Variants in UBP1 observed in about 807,000 individuals in gnomAD.
UBP1 encodes upstream binding protein 1.
In UBP1, 22 loss-of-function variants were observed where a neutral mutation model predicts 76.1. That is an observed-to-expected ratio of 0.29 (90% CI 0.21 to 0.41). The LOEUF (loss-of-function observed/expected upper bound fraction) is 0.41. Ranked by LOEUF, UBP1 falls within the 10% of genes least tolerant of loss-of-function variation. UBP1 has a pLI of 1.00. For synonymous variants in UBP1, 224 were observed against 237.1 expected (o/e 0.94, Z 0.51); for missense variants, 436 against 668.1 (o/e 0.65, Z 3.83).
At chr3:33,432,114 G>A (rs1202352683) in intron 1 of UBP1, among the ~76,000 whole-genome samples, 4 of 152,098 alleles carry the variant, frequency 2.6e-5, no homozygotes, top group African/African-American at 9.7e-5. Context: ...GACTGCTTGA[G>A]CCCAGAGACC....
chr3:33,393,397 G>C lies in UBP1; in HGVS notation c.1448C>G (p.Ala483Gly), dbSNP rs751356159. 10 of 1,612,734 alleles carry C rather than the reference G, an allele frequency of 6.2e-6. No individual in the cohort carries two copies. The highest frequency in any genetic ancestry group is 1.3e-5 in the African/African-American group (1 of 74,692). The change falls in exon 14 of 16, where the codon GCG (alanine) becomes GGG (glycine). Residue 483 changes from alanine to glycine, a missense_variant. This residue lies in a region of UBP1 where 210 missense variants were observed against 272.8 expected (regional missense o/e 0.77). Coordinates refer to ENST00000283629, the MANE Select transcript of UBP1 (RefSeq NM_014517.5). Reference sequence around the variant, plus strand: ...GTGGAGAGGGATATTAAACACCAGCGCAAGTTTTCGAGCAACTTCTGAGGC... The same window carrying C: ...GTGGAGAGGGATATTAAACACCAGCCCAAGTTTTCGAGCAACTTCTGAGGC... ...MIASEVARKL[A>G]LVFNIPLHQI...
intron 2 of UBP1, among the ~76,000 whole-genome samples, chr3:33,418,750 T>C (rs1467020940): frequency 6.6e-6 from 1 of 151,010 alleles, no homozygotes; most frequent in Non-Finnish European, 1.5e-5. Context: ...TCCCAGCTAC[T>C]TGGGAAGCTG....
chr3:33,438,667 C>G (rs2045238900), intron 1 of UBP1, among the ~76,000 whole-genome samples: 1 of 152,174 alleles, frequency 6.6e-6, no homozygotes, highest in Non-Finnish European at 1.5e-5. Flanking sequence ...CTTCCACACT[C>G]CAAGAAATGT....
chr3:33,423,362 T>C (rs1277288445), intron 2 of UBP1, among the ~76,000 whole-genome samples: 2 of 152,162 alleles, frequency 1.3e-5, no homozygotes, highest in Non-Finnish European at 2.9e-5. Context: ...ATTACTAAAA[T>C]GTATGTTGTT....
At chr3:33,439,022 G>A (rs1175214482) in intron 1 of UBP1, among the ~76,000 whole-genome samples, 2 of 152,142 alleles carry the variant, frequency 1.3e-5, no homozygotes, top group Non-Finnish European at 2.9e-5. Flanking sequence ...AGTTAAAAAG[G>A]ATAAAGGGCG....
intron 1 of UBP1, among the ~76,000 whole-genome samples, chr3:33,432,147 C>T (rs1443161382): frequency 6.6e-6 from 1 of 151,976 alleles, no homozygotes. Context: ...ATGGTGAAAC[C>T]CCGTCTCTAC....
intron 9 of UBP1, 102 bp from the exon 10 acceptor site, chr3:33,401,118 G>GT (rs2044212414): frequency 9.1e-7 from 1 of 1,099,064 alleles, no homozygotes; most frequent in Admixed American, 3.0e-5. Context: ...CAAATTTCAA[G>GT]TAAGGCAACA....
intron 1 of UBP1, among the ~76,000 whole-genome samples, chr3:33,431,000 T>G (rs1475586559): frequency 6.6e-6 from 1 of 151,664 alleles, no homozygotes; most frequent in Non-Finnish European, 1.5e-5. Context: ...TTTAAAGAAA[T>G]AAAAGAAAAG....
intron 3 of UBP1, among the ~76,000 whole-genome samples, chr3:33,414,668 C>T (rs1403460): frequency 0.39 from 59,601 of 151,890 alleles, 12,890 homozygotes; most frequent in East Asian, 0.6. Context: ...TTCCAAGAAA[C>T]TCATCCTGCA....
intron 2 of UBP1, among the ~76,000 whole-genome samples, chr3:33,423,133 G>A (rs940111835): frequency 4.0e-5 from 6 of 151,214 alleles, no homozygotes; most frequent in Non-Finnish European, 7.4e-5. Flanking sequence ...CCTCTGCCTC[G>A]GGTTCAAGTG....
At chr3:33,424,535 G>C (rs2044978475) in intron 2 of UBP1, among the ~76,000 whole-genome samples, 1 of 152,142 alleles carries the variant, frequency 6.6e-6, no homozygotes, top group African/African-American at 2.4e-5. Context: ...AAAAATATTA[G>C]TCAATTTTTG....
At chr3:33,428,462 A>G (rs2045057701) in intron 1 of UBP1, among the ~76,000 whole-genome samples, 2 of 127,154 alleles carry the variant, frequency 1.6e-5, no homozygotes, top group Admixed American at 1.8e-4. Context: ...TAACTGCATG[A>G]GAATGGCTTT....
At chr3:33,419,667 A>G (rs1244443046) in intron 2 of UBP1, among the ~76,000 whole-genome samples, 2 of 151,696 alleles carry the variant, frequency 1.3e-5, no homozygotes, top group African/African-American at 4.8e-5. Flanking sequence ...AAAAGACTCT[A>G]TAACACTTGC....
intron 1 of UBP1, among the ~76,000 whole-genome samples, chr3:33,436,465 C>T (rs1254663967): frequency 1.3e-5 from 2 of 152,196 alleles, no homozygotes; most frequent in East Asian, 3.8e-4. Context: ...TAATGTATAT[C>T]TTTTGTTTCA....
At chr3:33,435,883 T>C (rs2045196147) in intron 1 of UBP1, among the ~76,000 whole-genome samples, 1 of 152,228 alleles carries the variant, frequency 6.6e-6, no homozygotes, top group Non-Finnish European at 1.5e-5. Context: ...AAGGTGTTTC[T>C]ACTGAATGAA....
At chr3:33,421,614 A>G (rs2044895997) in intron 2 of UBP1, among the ~76,000 whole-genome samples, 2 of 152,262 alleles carry the variant, frequency 1.3e-5, no homozygotes, top group Admixed American at 1.3e-4. Context: ...TGAGGTTCAA[A>G]AAGAACTCAA....
intron 13 of UBP1, among the ~76,000 whole-genome samples, chr3:33,394,934 T>A (rs575099702): frequency 2.0e-5 from 3 of 151,928 alleles, no homozygotes; most frequent in Admixed American, 2.0e-4. Flanking sequence ...AGAGACCCTA[T>A]GTATGATCTA....
intron 15 of UBP1, chr3:33,391,304 T>C (rs1553669167): frequency 6.6e-6 from 1 of 152,240 alleles, no homozygotes; most frequent in Non-Finnish European, 1.5e-5. Flanking sequence ...TCACCTGACT[T>C]TTAAAACAGT....
At chr3:33,403,526 G>GTCTGTCT (rs1371618263) in intron 8 of UBP1, 1 of 150,362 alleles carries the variant, frequency 6.7e-6, no homozygotes, top group Admixed American at 6.6e-5. Context: ...CTGTCTGTCT[G>GTCTGTCT]GTCTGTCTAT....
Sources: allele counts gnomAD v4.1 joint callset (sites outside exome capture counted in the v4.1 genomes callset), GRCh38; gene constraint gnomAD v4.1.1; regional missense constraint gnomAD v4.1.1; transcripts MANE v1.5; gene names NCBI Gene and HGNC (gene_info 2026-07-23, HGNC 2026-07-21).